RIMS2: variants seen among roughly 807,000 people sequenced by gnomAD.
The protein encoded by RIMS2 is regulating synaptic membrane exocytosis 2.
Under a neutral mutation model 174.4 loss-of-function variants are expected in RIMS2, and 59 were observed. The observed-to-expected ratio is 0.34, with a 90% CI of 0.27 to 0.42. The LOEUF is 0.42. RIMS2 is among the 10% of genes least tolerant of loss of function. The pLI is 1.00. For synonymous variants in RIMS2, 606 were observed against 572.5 expected (o/e 1.06, Z -0.84); for missense variants, 1,620 against 1,666.3 (o/e 0.97, Z 0.48).
chr8:104,188,863 A>C (rs538397093), intron 19 of RIMS2, among the ~76,000 whole-genome samples: 1 of 151,808 alleles, frequency 6.6e-6, no homozygotes, highest in Non-Finnish European at 1.5e-5. Flanking sequence ...GTCTTTTTCT[A>C]TTCTGCAAAG....
intron 19 of RIMS2, among the ~76,000 whole-genome samples, chr8:104,147,478 T>C (rs958306304): frequency 2.6e-5 from 4 of 152,198 alleles, no homozygotes; most frequent in Admixed American, 2.6e-4. Flanking sequence ...GAAAACACTT[T>C]TTTTTTTCTG....
chr8:104,015,685 A>C (rs7461164), intron 19 of RIMS2, among the ~76,000 whole-genome samples: 57,943 of 151,934 alleles, frequency 0.38, 11,314 homozygotes, highest in Non-Finnish European at 0.42. Flanking sequence ...AAGAGTTTAA[A>C]TTCTTTTAAA....
intron 1 of RIMS2, among the ~76,000 whole-genome samples, chr8:103,590,091 G>C (rs774546740): frequency 1.5e-4 from 22 of 150,970 alleles, no homozygotes; most frequent in Non-Finnish European, 2.8e-4. Flanking sequence ...TAATTGGATT[G>C]TTTGTAACTC....
At chr8:104,160,242 A>G (rs989928396) in intron 19 of RIMS2, among the ~76,000 whole-genome samples, 2 of 152,228 alleles carry the variant, frequency 1.3e-5, no homozygotes, top group Non-Finnish European at 2.9e-5. Context: ...GGAAGGAGCT[A>G]TATCTCATTC....
intron 1 of RIMS2, among the ~76,000 whole-genome samples, chr8:103,522,153 ATTGTTGTTCAATTGAATT>A (rs1832009756): frequency 6.6e-6 from 1 of 152,044 alleles, no homozygotes; most frequent in South Asian, 2.1e-4. Context: ...TTTTCTATCA[ATTGTTGTTCAATTGAATT>A]TTGTTGGTCT....
intron 1 of RIMS2, among the ~76,000 whole-genome samples, chr8:103,560,465 G>T (rs997054651): frequency 6.6e-6 from 1 of 152,142 alleles, no homozygotes; most frequent in Non-Finnish European, 1.5e-5. Flanking sequence ...ATAAACATGT[G>T]CCCTTTATAT....
intron 1 of RIMS2, among the ~76,000 whole-genome samples, chr8:103,684,217 T>C (rs887080758): frequency 5.9e-5 from 9 of 152,168 alleles, no homozygotes; most frequent in Non-Finnish European, 1.2e-4. Context: ...TGCCCATCAC[T>C]CTACTCCAGC....
Position 104,210,715 on chromosome 8 carries a change from C to T in RIMS2, c.3335-34201C>T, listed in dbSNP as rs572554548. Among the ~76,000 whole-genome samples, 10 of 152,328 alleles carry T rather than the reference C, an allele frequency of 6.6e-5. No individual in the cohort carries two copies. The South Asian group carries it at 1.4e-3, about 22-fold the overall frequency. The stretch of plus-strand genomic sequence containing the variant: ...ATGCAGTATCACAGGGCCTTTCCAT[C>T]TGACTTTTGCACAGTGGCAGGCTGC... On this transcript the variant is annotated intron_variant, in intron 19 of 23. Coordinates refer to ENST00000504942, the Ensembl canonical transcript of RIMS2.
At chr8:103,733,224 G>T (rs375252310) in intron 2 of RIMS2, among the ~76,000 whole-genome samples, 84 of 152,246 alleles carry the variant, frequency 5.5e-4, no homozygotes, top group African/African-American at 1.8e-3. Flanking sequence ...AATGTTGTCT[G>T]GGAGCTAGAG....
intron 19 of RIMS2, among the ~76,000 whole-genome samples, chr8:104,175,946 G>A (rs1274767797): frequency 6.6e-6 from 1 of 152,044 alleles, no homozygotes. Flanking sequence ...TTCTCTTCAT[G>A]TTAGGACATG....
intron 19 of RIMS2, among the ~76,000 whole-genome samples, chr8:104,153,430 G>C (rs769609914): frequency 6.6e-6 from 1 of 152,114 alleles, no homozygotes; most frequent in Non-Finnish European, 1.5e-5. Flanking sequence ...ATTTTTAAAT[G>C]TAAGAAAAGT....
intron 17 of RIMS2, among the ~76,000 whole-genome samples, chr8:103,989,669 A>T (rs1399080395): frequency 6.6e-6 from 1 of 152,218 alleles, no homozygotes; most frequent in Non-Finnish European, 1.5e-5. Flanking sequence ...TGGTTTAATC[A>T]AACCAGTTAA....
chr8:104,128,026 AT>A (rs2098445780), intron 19 of RIMS2, among the ~76,000 whole-genome samples: 1 of 152,204 alleles, frequency 6.6e-6, no homozygotes, highest in Admixed American at 6.5e-5. Flanking sequence ...AACAACATAA[AT>A]TTTTATCATA....
chr8:103,793,870 T>C (rs1460547687), intron 3 of RIMS2, among the ~76,000 whole-genome samples: 1 of 152,084 alleles, frequency 6.6e-6, no homozygotes, highest in African/African-American at 2.4e-5. Flanking sequence ...GAATCCAACT[T>C]ACAAGGGATG....
intron 1 of RIMS2, among the ~76,000 whole-genome samples, chr8:103,596,091 C>A (rs1429494830): frequency 1.3e-5 from 2 of 151,866 alleles, no homozygotes; most frequent in Non-Finnish European, 2.9e-5. Flanking sequence ...ATTTTCATAT[C>A]TTTTTCTTTT....
intron 17 of RIMS2, among the ~76,000 whole-genome samples, chr8:104,006,668 C>CTG (rs1412496058): frequency 9.3e-5 from 13 of 139,514 alleles, no homozygotes; most frequent in East Asian, 2.0e-4. Context: ...CTCTCTCTCT[C>CTG]TGTGTCTCTC....
At chr8:104,149,429 T>C (rs1284551298) in intron 19 of RIMS2, among the ~76,000 whole-genome samples, 1 of 152,242 alleles carries the variant, frequency 6.6e-6, no homozygotes, top group Non-Finnish European at 1.5e-5. Flanking sequence ...ACAGTGAAGA[T>C]ATTCAAAGCT....
intron 14 of RIMS2, among the ~76,000 whole-genome samples, chr8:103,958,865 C>T (rs1237713887): frequency 6.6e-6 from 1 of 152,138 alleles, no homozygotes; most frequent in East Asian, 1.9e-4. Flanking sequence ...CGAAGAGGAG[C>T]TAGTGAAAAA....
chr8:103,625,835 G>A (rs1462834214), intron 1 of RIMS2, among the ~76,000 whole-genome samples: 2 of 151,632 alleles, frequency 1.3e-5, no homozygotes, highest in Non-Finnish European at 2.9e-5. Flanking sequence ...ATAGATAGTT[G>A]TATACATACA....
Sources: allele counts gnomAD v4.1 joint callset (sites outside exome capture counted in the v4.1 genomes callset), GRCh38; gene constraint gnomAD v4.1.1; transcripts MANE v1.5; gene names NCBI Gene and HGNC (gene_info 2026-07-23, HGNC 2026-07-21).